ARHGAP18: variants seen among roughly 807,000 people sequenced by gnomAD.
ARHGAP18 encodes Rho GTPase activating protein 18, also known as rho GTPase-activating protein 18.
A neutral mutation model predicts 86.2 loss-of-function variants in ARHGAP18; 67 were observed. The ratio of observed to expected loss-of-function variants is 0.78; its 90% CI spans 0.64 to 0.95. The LOEUF is 0.95. Ranked by LOEUF, ARHGAP18 falls within the 40% of genes least tolerant of loss-of-function variation. The pLI, the probability that ARHGAP18 is intolerant of heterozygous loss-of-function variation, is 0.00. For missense variants in ARHGAP18, 691 were observed against 780.4 expected, an observed-to-expected ratio of 0.89 and a Z score of 1.37; for synonymous variants, 283 against 280.4, an observed-to-expected ratio of 1.01 and a Z score of -0.09.
At chr6:129,654,053 C>T (rs532608717) in intron 1 of ARHGAP18, among the ~76,000 whole-genome samples, 3 of 152,046 alleles carry the variant, frequency 2.0e-5, no homozygotes, top group Non-Finnish European at 4.4e-5. Context: ...GAAAAACATA[C>T]ACACACACAC....
chr6:129,616,377 A>C (rs1789099622), intron 6 of ARHGAP18, 74 bp from the exon 7 acceptor site: 1 of 1,198,426 alleles, frequency 8.3e-7, no homozygotes, highest in Admixed American at 2.2e-5. Context: ...TTAAAGCATA[A>C]GATTTCTGAT....
intron 12 of ARHGAP18, among the ~76,000 whole-genome samples, chr6:129,585,545 A>G (rs1046528978): frequency 6.6e-6 from 1 of 152,202 alleles, no homozygotes; most frequent in Non-Finnish European, 1.5e-5. Context: ...CACAGACTGC[A>G]AACAACAGCT....
chr6:129,638,353 G>GC (rs756286533), intron 3 of ARHGAP18, 41 bp downstream of exon 3: 1 of 1,538,760 alleles, frequency 6.5e-7, no homozygotes, highest in Non-Finnish European at 9.0e-7. Context: ...TTAATTGTAA[G>GC]CAATTATTCC....
intron 8 of ARHGAP18, among the ~76,000 whole-genome samples, chr6:129,610,987 C>G (rs1215197676): frequency 1.3e-5 from 2 of 152,108 alleles, no homozygotes; most frequent in Non-Finnish European, 2.9e-5. Context: ...ACATGGGACT[C>G]CTGGGTTCAG....
In ARHGAP18 at chr6:129,662,727, T is replaced by C. The variant is rs143057614; in HGVS notation, c.114-20709A>G. Among the ~76,000 whole-genome samples the C allele has an allele frequency of 4.7e-3, 711 of 152,340 alleles. 8 individuals carry two copies. The highest frequency in any genetic ancestry group is 0.016 in the African/African-American group (679 of 41,580). The stretch of plus-strand genomic sequence containing the variant: ...TTGATACAAGATTCACTGCTCTCTA[T>C]GCCTTAATTAATTGGTACTGCTTAA... On this transcript the variant is annotated intron_variant, in intron 1 of 14. Coordinates refer to ENST00000368149, the MANE Select transcript of ARHGAP18 (RefSeq NM_033515.3).
intron 1 of ARHGAP18, among the ~76,000 whole-genome samples, chr6:129,692,431 C>T (rs866307182): frequency 2.0e-4 from 31 of 152,236 alleles, no homozygotes; most frequent in Middle Eastern, 3.4e-3. Context: ...GAAGATCCCT[C>T]CATACAAACC....
At chr6:129,707,610 C>G (rs977921729) in intron 1 of ARHGAP18, among the ~76,000 whole-genome samples, 1 of 151,398 alleles carries the variant, frequency 6.6e-6, no homozygotes, top group African/African-American at 2.4e-5. Context: ...GCTGGGACCA[C>G]GGGCATGCAC....
At chr6:129,633,392 G>A (rs890947708) in intron 4 of ARHGAP18, among the ~76,000 whole-genome samples, 2 of 139,214 alleles carry the variant, frequency 1.4e-5, no homozygotes, top group South Asian at 2.2e-4. Context: ...CCAAGACGAC[G>A]CCACTGCACT....
intron 5 of ARHGAP18, among the ~76,000 whole-genome samples, chr6:129,620,542 G>A (rs1305154991): frequency 6.6e-6 from 1 of 152,188 alleles, no homozygotes. Context: ...TCACTAGTGT[G>A]TACATTTAAT....
At position 129,626,065 on chromosome 6, in the gene ARHGAP18, T is replaced by TACACACACACACACAC. The variant is rs71028169; in HGVS notation, c.786+3272_786+3287dup. ...ACACACACACATATATATACACATA[T>TACACACACACACACAC]ACACACACACACACACACACACACA... On this transcript the variant is annotated intron_variant, in intron 5 of 14. Transcript: ENST00000368149. 3.9e-4 allele frequency among the ~76,000 whole-genome samples: 40 copies of TACACACACACACACAC among 101,536 alleles called. 1 individual carries two copies. The highest frequency in any genetic ancestry group is 3.1e-3 in the East Asian group (12 of 3,832). 66.6% of individuals were successfully genotyped at this position (101,536 alleles called of 152,430 possible).
chr6:129,599,134 T>C (rs965884850), intron 12 of ARHGAP18, 82 bp downstream of exon 12: 2 of 1,193,742 alleles, frequency 1.7e-6, no homozygotes, highest in African/African-American at 1.6e-5. Context: ...AAAGTCATAC[T>C]ATGAAAACAT....
intron 12 of ARHGAP18, among the ~76,000 whole-genome samples, chr6:129,595,341 A>G (rs564831015): frequency 2.6e-5 from 4 of 152,212 alleles, no homozygotes; most frequent in Admixed American, 2.6e-4. Flanking sequence ...TAGATATGCC[A>G]TAATGTATTT....
At chr6:129,653,904 A>T (rs959113424) in intron 1 of ARHGAP18, among the ~76,000 whole-genome samples, 1 of 152,162 alleles carries the variant, frequency 6.6e-6, no homozygotes, top group African/African-American at 2.4e-5. Flanking sequence ...TTAGCCAGGC[A>T]CAGTGGCATG....
At chr6:129,682,601 A>G (rs1774343388) in intron 1 of ARHGAP18, among the ~76,000 whole-genome samples, 1 of 152,278 alleles carries the variant, frequency 6.6e-6, no homozygotes, top group South Asian at 2.1e-4. Context: ...TGGTAAAAAT[A>G]AACTAAAACC....
chr6:129,664,822 A>G (rs916939790), intron 1 of ARHGAP18, among the ~76,000 whole-genome samples: 11 of 152,224 alleles, frequency 7.2e-5, no homozygotes, highest in African/African-American at 2.7e-4. Flanking sequence ...AAGTGCTATG[A>G]AAATAAATTA....
chr6:129,688,803 A>T (rs1562725570), intron 1 of ARHGAP18, among the ~76,000 whole-genome samples: 3 of 151,828 alleles, frequency 2.0e-5, no homozygotes, highest in East Asian at 1.9e-4. Context: ...AAAAAAAAAA[A>T]ATATGCCTTA....
At chr6:129,657,429 T>TAAAAAAAA (rs373569721) in intron 1 of ARHGAP18, among the ~76,000 whole-genome samples, 1 of 136,634 alleles carries the variant, frequency 7.3e-6, no homozygotes. Flanking sequence ...TTTTTGAAAT[T>TAAAAAAAA]AAAAAAAAAA....
chr6:129,671,743 G>A (rs1471959169), intron 1 of ARHGAP18, among the ~76,000 whole-genome samples: 1 of 152,026 alleles, frequency 6.6e-6, no homozygotes, highest in Non-Finnish European at 1.5e-5. Context: ...GTTAGATTAA[G>A]CAGAGGTGAG....
At chr6:129,591,231 T>G (rs1485864149) in intron 12 of ARHGAP18, among the ~76,000 whole-genome samples, 1 of 152,238 alleles carries the variant, frequency 6.6e-6, no homozygotes, top group South Asian at 2.1e-4. Flanking sequence ...AGTCTGTTCT[T>G]AACTTGAGCC....
Sources: gnomAD v4.1 joint callset for allele counts (sites outside exome capture counted in the v4.1 genomes callset) on GRCh38, gnomAD v4.1.1 for gene constraint, MANE v1.5 for transcripts, NCBI Gene and HGNC (gene_info 2026-07-23, HGNC 2026-07-21) for gene names.